The following CD36 variants were observed in gnomAD, a reference collection of about 807,000 sequenced individuals.
CD36 encodes the protein platelet glycoprotein 4.
Under a neutral mutation model 55.2 loss-of-function variants are expected in CD36, and 119 were observed. The observed-to-expected ratio is 2.15, with a 90% CI of 1.86 to 2.51. The LOEUF (loss-of-function observed/expected upper bound fraction) is 2.51, where lower values mean the gene tolerates loss of function less well. Ranked by LOEUF, CD36 falls within the 30% of genes most tolerant of loss-of-function variation. The pLI is 0.00. For synonymous variants in CD36, 186 were observed against 193.6 expected (o/e 0.96, Z 0.33); for missense variants, 819 against 555.5 (o/e 1.47, Z -4.77).
upstream of CD36, among the ~76,000 whole-genome samples, chr7:80,634,739 G>A (rs1794282914): frequency 1.3e-5 from 2 of 151,946 alleles, no homozygotes; most frequent in South Asian, 4.2e-4. Flanking sequence ...CCATGAATCA[G>A]CTTGTCCAAA....
chr7:80,623,671 C>T (rs939554395), intron 1 of CD36, among the ~76,000 whole-genome samples: 2 of 152,182 alleles, frequency 1.3e-5, no homozygotes, highest in African/African-American at 4.8e-5. Flanking sequence ...TTGCCCTCAT[C>T]TCCAGCTTTC....
intron 1 of CD36, among the ~76,000 whole-genome samples, chr7:80,608,669 T>C (rs142707359): frequency 8.0e-4 from 122 of 152,182 alleles, no homozygotes; most frequent in African/African-American, 2.5e-3. Flanking sequence ...TTGCAGCCAG[T>C]TAGTGAAAAT....
intron 1 of CD36, among the ~76,000 whole-genome samples, chr7:80,619,344 C>T (rs1414462177): frequency 1.3e-5 from 2 of 152,140 alleles, no homozygotes; most frequent in Non-Finnish European, 2.9e-5. Context: ...TGCCTGCTAA[C>T]ACAACATCAG....
chr7:80,658,063 T>C (rs1441097784), intron 4 of CD36, among the ~76,000 whole-genome samples: 3 of 152,322 alleles, frequency 2.0e-5, no homozygotes, highest in South Asian at 2.1e-4. Flanking sequence ...AGGGCCTTGG[T>C]GCATGTCCTG....
intron 1 of CD36, among the ~76,000 whole-genome samples, chr7:80,613,873 C>G (rs1406506447): frequency 6.6e-6 from 1 of 151,972 alleles, no homozygotes; most frequent in African/African-American, 2.4e-5. Flanking sequence ...TAATATAGTA[C>G]TTTTGGAGTA....
intron 8 of CD36, among the ~76,000 whole-genome samples, chr7:80,667,749 T>TTTTTTTTTTTTTG (rs1797243628): frequency 9.5e-6 from 1 of 105,350 alleles, no homozygotes; most frequent in African/African-American, 3.1e-5. Flanking sequence ...TTTCTTTTGT[T>TTTTTTTTTTTTTG]TTTTTTTTTT....
chr7:80,636,727 C>T (rs1216904535), upstream of CD36: 1 of 152,062 alleles, frequency 6.6e-6, no homozygotes, highest in African/African-American at 2.4e-5. Flanking sequence ...AACCCCAACA[C>T]TCTTTACTTT....
chr7:80,636,422 AAAG>A (rs1794406804), upstream of CD36, among the ~76,000 whole-genome samples: 1 of 152,042 alleles, frequency 6.6e-6, no homozygotes. Flanking sequence ...AAATCTGGAA[AAAG>A]AAGAACAAGC....
In CD36 at chr7:80,674,049, C is replaced by T. The variant is rs1309296096; in HGVS notation, c.1321C>T (p.Leu441Phe). 3 of 1,611,738 alleles carry T rather than the reference C, an allele frequency of 1.9e-6. No homozygotes were observed. In the South Asian group the frequency reaches 3.3e-5, roughly 18 times the overall value. The change falls in exon 14 of 15, where the codon CTT becomes TTT. Residue 441 changes from leucine (L) to phenylalanine (F), a missense_variant. By Grantham distance (22) the Leu-to-Phe change is conservative. Transcript: ENST00000447544. ...RSQVTGKINLLGLIEMILLSV... is the reference protein window; with the variant it reads ...RSQVTGKINLFGLIEMILLSV... ...TCAAGTAACTGGAAAAATAAACCTC[C>T]TTGGCCTGATAGAAATGATCTTACT...
At position 80,671,090 on chromosome 7, in the gene CD36, G is replaced by T. The variant is rs567491856; in HGVS notation, c.932G>T (p.Cys311Phe). 29 of 1,612,676 alleles carry T rather than the reference G, an allele frequency of 1.8e-5. No homozygotes were observed. In the Admixed American group the frequency reaches 3.3e-4, roughly 19 times the overall value. The change falls in exon 10 of 15, where the codon TGT becomes TTT. Residue 311 changes from cysteine (C) to phenylalanine (F), a missense_variant. Physicochemically the swap from Cys to Phe is radical, Grantham distance 205. Transcript: ENST00000447544. ...ASPVENPDNY[C>F]FCTEKIISKN... The stretch of plus-strand genomic sequence containing the variant: ...CCAGTTGAAAACCCAGACAACTATT[G>T]TTTCTGCACAGAAAAAATTATCTCA...
At chr7:80,674,262 C>T (rs1798046952) in intron 14 of CD36, 115 bp downstream of exon 14, 1 of 711,186 alleles carries the variant, frequency 1.4e-6, no homozygotes, top group African/African-American at 1.8e-5. Context: ...ACATGTCTAG[C>T]CACTGATCAT....
At chr7:80,619,339 G>T (rs981605900) in intron 1 of CD36, among the ~76,000 whole-genome samples, 1 of 152,116 alleles carries the variant, frequency 6.6e-6, no homozygotes, top group Admixed American at 6.6e-5. Flanking sequence ...TTTCATGCCT[G>T]CTAACACAAC....
chr7:80,675,135 CTATT>C (rs1173073936), intron 14 of CD36, among the ~76,000 whole-genome samples: 1 of 152,120 alleles, frequency 6.6e-6, no homozygotes, highest in Non-Finnish European at 1.5e-5. Flanking sequence ...ACTTCTACCA[CTATT>C]TAGTCACCAA....
upstream of CD36, among the ~76,000 whole-genome samples, chr7:80,637,778 T>C (rs1488202241): frequency 3.9e-5 from 6 of 152,082 alleles, no homozygotes; most frequent in Non-Finnish European, 8.8e-5. Flanking sequence ...ATCAAATACA[T>C]GCCAGGTTAA....
At chr7:80,638,164 A>T (rs1167557237), upstream of CD36, among the ~76,000 whole-genome samples, 2 of 152,026 alleles carry the variant, frequency 1.3e-5, no homozygotes, top group Non-Finnish European at 2.9e-5. Flanking sequence ...TTTCAGAATT[A>T]TTAGTCTCAC....
intron 1 of CD36, among the ~76,000 whole-genome samples, chr7:80,610,287 T>A (rs913881790): frequency 5.9e-5 from 9 of 152,208 alleles, no homozygotes; most frequent in Non-Finnish European, 1.2e-4. Flanking sequence ...ATATTTGTGC[T>A]CTGTATGTCT....
At chr7:80,628,060 C>T (rs1215895649) in intron 1 of CD36, among the ~76,000 whole-genome samples, 1 of 151,964 alleles carries the variant, frequency 6.6e-6, no homozygotes, top group Non-Finnish European at 1.5e-5. Context: ...AAAAAACGCA[C>T]ATCTGGAAAA....
chr7:80,670,048 A>G, intron 9 of CD36, 26 bp downstream of exon 9: 2 of 1,436,076 alleles, frequency 1.4e-6, no homozygotes, highest in South Asian at 1.1e-5. Flanking sequence ...AAGTATAAGT[A>G]TGTCTGAGTC....
intron 5 of CD36, chr7:80,662,562 C>T (rs543084018): frequency 7.3e-6 from 2 of 272,574 alleles, no homozygotes; most frequent in Admixed American, 7.8e-5. Flanking sequence ...GTGGCTCCAG[C>T]GCCTTTGGGA....
Sources: gnomAD v4.1 joint callset for allele counts (sites outside exome capture counted in the v4.1 genomes callset) on GRCh38, gnomAD v4.1.1 for gene constraint, MANE v1.5 for transcripts, NCBI Gene and HGNC (gene_info 2026-07-23, HGNC 2026-07-21) for gene names.